Variants in TEX9 observed in about 807,000 individuals in gnomAD.
TEX9 encodes the protein testis-expressed protein 9.
Under a neutral mutation model 59.6 loss-of-function variants are expected in TEX9, and 74 were observed. The observed-to-expected ratio is 1.24, with a 90% CI of 1.03 to 1.51. The LOEUF is 1.51. Ranked by LOEUF, TEX9 falls within the 40% of genes most tolerant of loss-of-function variation. The pLI, the probability that TEX9 is intolerant of heterozygous loss-of-function variation, is 0.00. For missense variants in TEX9, 522 were observed against 447.8 expected (o/e 1.17, Z -1.49); for synonymous variants, 186 against 152.2 (o/e 1.22, Z -1.64).
chr15:56,402,191 G>A (rs117835782), intron 9 of TEX9, among the ~76,000 whole-genome samples: 4,173 of 152,182 alleles, frequency 0.027, 76 homozygotes, highest in Middle Eastern at 0.044. Context: ...ATTAATCCAG[G>A]AGCTGGCTTT....
chr15:56,389,764 A>C (rs574954424), intron 6 of TEX9, among the ~76,000 whole-genome samples: 1 of 151,952 alleles, frequency 6.6e-6, no homozygotes, highest in East Asian at 1.9e-4. Flanking sequence ...TATTTGACAA[A>C]ATGCATATAT....
intron 1 of TEX9, among the ~76,000 whole-genome samples, chr15:56,342,834 G>A (rs1461787118): frequency 2.0e-5 from 3 of 152,108 alleles, no homozygotes; most frequent in Admixed American, 6.6e-5. Flanking sequence ...CCCAACAGTC[G>A]GTAGGATGTA....
intron 1 of TEX9, among the ~76,000 whole-genome samples, chr15:56,320,264 T>C (rs1288545929): frequency 6.6e-6 from 1 of 152,206 alleles, no homozygotes; most frequent in African/African-American, 2.4e-5. Context: ...GTTTTTGTTA[T>C]ACCTCTATGT....
At chr15:56,349,333 A>T (rs571034980) in intron 1 of TEX9, among the ~76,000 whole-genome samples, 3 of 152,280 alleles carry the variant, frequency 2.0e-5, no homozygotes, top group South Asian at 4.2e-4. Flanking sequence ...GCTCAAATCT[A>T]ATATTGATCA....
intron 1 of TEX9, among the ~76,000 whole-genome samples, chr15:56,319,717 G>C (rs1243770282): frequency 6.6e-6 from 1 of 152,130 alleles, no homozygotes; most frequent in Non-Finnish European, 1.5e-5. Context: ...GTCAAAATTG[G>C]CCCTATGATC....
intron 12 of TEX9, among the ~76,000 whole-genome samples, chr15:56,441,823 G>A (rs1276671230): frequency 6.6e-6 from 1 of 152,034 alleles, no homozygotes; most frequent in Non-Finnish European, 1.5e-5. Flanking sequence ...GACCATCCTG[G>A]CTAACACGGT....
chr15:56,348,110 A>C (rs931343595), intron 1 of TEX9, among the ~76,000 whole-genome samples: 1 of 152,154 alleles, frequency 6.6e-6, no homozygotes, highest in Non-Finnish European at 1.5e-5. Flanking sequence ...ATAATTTTAC[A>C]AGATACCACC....
At chr15:56,385,549 C>T (rs2047922501) in intron 4 of TEX9, among the ~76,000 whole-genome samples, 1 of 151,978 alleles carries the variant, frequency 6.6e-6, no homozygotes, top group South Asian at 2.1e-4. Context: ...TAAAGTAACC[C>T]ATTTTTAAAT....
chr15:56,261,013 TTATA>T (rs1466305681), intron 1 of TEX9, among the ~76,000 whole-genome samples: 30 of 151,930 alleles, frequency 2.0e-4, no homozygotes, highest in South Asian at 2.1e-4. Context: ...TCAAATGTAT[TTATA>T]TAAAATTATT....
chr15:56,367,461 G>A (rs1330174176), intron 2 of TEX9, among the ~76,000 whole-genome samples: 1 of 152,204 alleles, frequency 6.6e-6, no homozygotes, highest in Non-Finnish European at 1.5e-5. Context: ...TTCTGCTTCT[G>A]TTGGAGGAAA....
At chr15:56,425,933 C>G (rs1159564738) in intron 10 of TEX9, among the ~76,000 whole-genome samples, 2 of 152,130 alleles carry the variant, frequency 1.3e-5, no homozygotes, top group Non-Finnish European at 2.9e-5. Flanking sequence ...TGTGTCTTTC[C>G]TGGGCCTGTG....
chr15:56,359,606 C>G (rs1424909482), intron 1 of TEX9, among the ~76,000 whole-genome samples: 1 of 152,000 alleles, frequency 6.6e-6, no homozygotes, highest in African/African-American at 2.4e-5. Context: ...TTGTTTTTAT[C>G]ATTTTATTAG....
intron 12 of TEX9, among the ~76,000 whole-genome samples, chr15:56,437,707 T>C (rs2050751485): frequency 6.6e-6 from 1 of 152,110 alleles, no homozygotes; most frequent in Non-Finnish European, 1.5e-5. Context: ...GATTGTATAT[T>C]TAGAAAACCC....
chr15:56,257,316 A>C (rs1246260334), intron 1 of TEX9, among the ~76,000 whole-genome samples: 1 of 152,098 alleles, frequency 6.6e-6, no homozygotes, highest in Non-Finnish European at 1.5e-5. Context: ...CCCAGGAATG[A>C]AATTGTTGGG....
chr15:56,351,368 G>A (rs1368876658), intron 1 of TEX9, among the ~76,000 whole-genome samples: 2 of 152,138 alleles, frequency 1.3e-5, no homozygotes, highest in Non-Finnish European at 2.9e-5. Flanking sequence ...CAATTACAAG[G>A]GAGTTAGAAT....
intron 1 of TEX9, among the ~76,000 whole-genome samples, chr15:56,262,837 C>T (rs1020362662): frequency 6.6e-6 from 1 of 152,136 alleles, no homozygotes; most frequent in Non-Finnish European, 1.5e-5. Flanking sequence ...ATTGATCCCT[C>T]GATCTTTATA....
chr15:56,284,765 AC>A (rs1476646445), intron 1 of TEX9, among the ~76,000 whole-genome samples: 11 of 152,000 alleles, frequency 7.2e-5, no homozygotes, highest in Non-Finnish European at 1.5e-4. Context: ...GTCCATCCTC[AC>A]TGCCATTGGC....
At chr15:56,416,649 A>G (rs1409537482) in intron 10 of TEX9, among the ~76,000 whole-genome samples, 4 of 151,816 alleles carry the variant, frequency 2.6e-5, no homozygotes, top group Admixed American at 2.6e-4. Context: ...GTGTTCATCA[A>G]GGATATTGGC....
At position 56,252,012 on chromosome 15, in the gene TEX9, C is replaced by G. The variant is rs139422570; in HGVS notation, c.-107+7734C>G. Reference sequence around the variant, plus strand: ...AGTTTAGTGTGATTTTCTCCTCCCCCAGAGAGTCTTACACATAAAGTTATG... The same window carrying G: ...AGTTTAGTGTGATTTTCTCCTCCCCGAGAGAGTCTTACACATAAAGTTATG... On this transcript the variant is annotated intron_variant, in intron 1 of 5. Coordinates refer to the TEX9 transcript ENST00000560827. 6.9e-4 allele frequency among the ~76,000 whole-genome samples: 105 copies of G among 152,274 alleles called. 2 individuals carry two copies. In the East Asian group the frequency reaches 0.019, roughly 27 times the overall value.
Sources: gnomAD v4.1 joint callset for allele counts (sites outside exome capture counted in the v4.1 genomes callset) on GRCh38, gnomAD v4.1.1 for gene constraint, MANE v1.5 for transcripts, NCBI Gene and HGNC (gene_info 2026-07-23, HGNC 2026-07-21) for gene names.